Variants in UBE2G1 observed in about 807,000 individuals in gnomAD.
The protein encoded by UBE2G1 is ubiquitin conjugating enzyme E2 G1.
UBE2G1 carries 5 observed loss-of-function variants against 22.7 expected under a neutral mutation model. The observed-to-expected ratio is 0.22, with a 90% CI of 0.12 to 0.46. UBE2G1 has a LOEUF of 0.46. UBE2G1 is among the 20% of genes least tolerant of loss of function. The pLI, the probability that UBE2G1 is intolerant of heterozygous loss-of-function variation, is 0.99. For synonymous variants in UBE2G1, 74 were observed against 67.5 expected (o/e 1.10, Z -0.47); for missense variants, 88 against 203.9 (o/e 0.43, Z 3.46).
At chr17:4,319,885 C>G (rs76833122) in intron 1 of UBE2G1, among the ~76,000 whole-genome samples, 3,898 of 152,104 alleles carry the variant, frequency 0.026, 157 homozygotes, top group African/African-American at 0.089. Flanking sequence ...CAGAAAAACG[C>G]AGGTGAAAGG....
rs71144179 is a variant in UBE2G1, at chr17:4,289,106, T to TACACACACAC, written c.426+114_426+123dup. 2.9e-3 allele frequency: 1,504 copies of TACACACACAC among 515,998 alleles called. 10 individuals carry two copies. Among genetic ancestry groups the TACACACACAC allele is most frequent in the African/African-American group, 0.022 (1,111 of 49,896 alleles). 32.0% of individuals were successfully genotyped at this position (515,998 alleles called of 1,614,324 possible). On this transcript the variant is annotated intron_variant, in intron 4 of 5. Transcript: ENST00000396981. ...CAAAAATAAGAACTATGGGAAGAGA[T>TACACACACAC]ACACACACACACACACACACACACG...
At chr17:4,284,829 CTTTTCTTTCTTTTTTTTTT>C (rs1968941017) in intron 4 of UBE2G1, among the ~76,000 whole-genome samples, 90 of 68,068 alleles carry the variant, frequency 1.3e-3, no homozygotes, top group African/African-American at 3.6e-3. Flanking sequence ...CTTTTCTTTT[CTTTTCTTTCTTTTTTTTTT>C]TTTTTTTTTT....
intron 5 of UBE2G1, among the ~76,000 whole-genome samples, chr17:4,278,100 A>G (rs1047047651): frequency 1.3e-5 from 2 of 152,174 alleles, no homozygotes. Context: ...GGGTTTCACC[A>G]TGTTGGCCAG....
intron 4 of UBE2G1, among the ~76,000 whole-genome samples, chr17:4,284,864 A>C (rs1223340902): frequency 1.0e-5 from 1 of 97,126 alleles, no homozygotes; most frequent in Non-Finnish European, 1.9e-5. Context: ...TTTTTTTTGG[A>C]GATAGGGTCT....
chr17:4,346,909 T>C (rs562063648), intron 1 of UBE2G1, among the ~76,000 whole-genome samples: 2 of 151,896 alleles, frequency 1.3e-5, no homozygotes, highest in African/African-American at 4.8e-5. Context: ...TCCCAGCACT[T>C]TGGGAGACCA....
chr17:4,354,806 G>A lies in UBE2G1; in HGVS notation c.46+11465C>T, dbSNP rs78230561. Among the ~76,000 whole-genome samples, 1,338 of 152,154 alleles carry A rather than the reference G, an allele frequency of 8.8e-3. 21 individuals are homozygous for A. Among genetic ancestry groups the A allele is most frequent in the African/African-American group, 0.031 (1,271 of 41,518 alleles). Reference sequence around the variant, plus strand: ...TTTTTAATTTGCTGAGCATGGTGGCGCGTGCCTGTAGTCCCAGCTACGGAG... The same window carrying A: ...TTTTTAATTTGCTGAGCATGGTGGCACGTGCCTGTAGTCCCAGCTACGGAG... On this transcript the variant is annotated intron_variant, in intron 1 of 5. Transcript: ENST00000396981.
chr17:4,311,044 C>A (rs1329748639), intron 1 of UBE2G1, among the ~76,000 whole-genome samples: 1 of 151,872 alleles, frequency 6.6e-6, no homozygotes, highest in South Asian at 2.1e-4. Context: ...ACCCCTGTCT[C>A]TACCAAAAAA....
chr17:4,328,768 T>C (rs1969530076), intron 1 of UBE2G1, among the ~76,000 whole-genome samples: 1 of 152,210 alleles, frequency 6.6e-6, no homozygotes, highest in African/African-American at 2.4e-5. Flanking sequence ...TGCCACTTGA[T>C]GGGCTTCTGT....
chr17:4,279,555 G>C (rs577512039), intron 5 of UBE2G1, among the ~76,000 whole-genome samples: 1 of 152,010 alleles, frequency 6.6e-6, no homozygotes, highest in South Asian at 2.1e-4. Flanking sequence ...AGGCTCTCTA[G>C]CCAAGAAACG....
At chr17:4,349,582 G>A (rs1401385251) in intron 1 of UBE2G1, among the ~76,000 whole-genome samples, 4 of 151,856 alleles carry the variant, frequency 2.6e-5, no homozygotes, top group Admixed American at 2.0e-4. Context: ...TGTGGCTCAC[G>A]CCTGTAATCC....
chr17:4,341,330 G>A (rs1308905683), intron 1 of UBE2G1, among the ~76,000 whole-genome samples: 3 of 151,972 alleles, frequency 2.0e-5, no homozygotes, highest in Non-Finnish European at 2.9e-5. Flanking sequence ...CAGACATATC[G>A]TCTAACCTGA....
intron 1 of UBE2G1, 24 bp downstream of exon 1, chr17:4,366,247 G>A (rs1970033901): frequency 2.0e-6 from 3 of 1,528,328 alleles, no homozygotes; most frequent in Non-Finnish European, 1.7e-6. Context: ...GCCGGGCCCG[G>A]CGCCCCGCCG....
chr17:4,348,916 C>T (rs971005098), intron 1 of UBE2G1, among the ~76,000 whole-genome samples: 2 of 151,866 alleles, frequency 1.3e-5, no homozygotes, highest in South Asian at 2.1e-4. Flanking sequence ...GGGCCGGGCA[C>T]GGTCGCTCAC....
At chr17:4,301,204 T>C (rs920737642) in intron 2 of UBE2G1, among the ~76,000 whole-genome samples, 1 of 152,232 alleles carries the variant, frequency 6.6e-6, no homozygotes, top group African/African-American at 2.4e-5. Flanking sequence ...ATTCATTCTA[T>C]CCGCCACAGT....
chr17:4,332,887 C>T (rs1008088204), intron 1 of UBE2G1, among the ~76,000 whole-genome samples: 6 of 151,996 alleles, frequency 3.9e-5, no homozygotes, highest in African/African-American at 1.4e-4. Flanking sequence ...TTATTTTATC[C>T]TCTTTCCCTG....
chr17:4,314,398 G>T (rs892100554), intron 1 of UBE2G1, among the ~76,000 whole-genome samples: 1 of 152,180 alleles, frequency 6.6e-6, no homozygotes, highest in Non-Finnish European at 1.5e-5. Context: ...CTTGAAATAT[G>T]CAAGTTTAAA....
At position 4,333,400 on chromosome 17, in the gene UBE2G1, G is replaced by A. The variant is rs147706320; in HGVS notation, c.47-26277C>T. Among the ~76,000 whole-genome samples, 93 of 152,256 alleles carry A rather than the reference G, an allele frequency of 6.1e-4. No individual in the cohort carries two copies. The East Asian group carries it at 0.015, about 25-fold the overall frequency. On this transcript the variant is annotated intron_variant, in intron 1 of 5. Transcript: ENST00000396981. Reference sequence around the variant, plus strand: ...ATATGTAAAATGTAAAAGACGGGCCGGGCACGGTGGCTCTGTCTGTGATCC... The same window carrying A: ...ATATGTAAAATGTAAAAGACGGGCCAGGCACGGTGGCTCTGTCTGTGATCC...
In UBE2G1 at chr17:4,341,275, T is replaced by G. The variant is rs887574679; in HGVS notation, c.46+24996A>C. Among the ~76,000 whole-genome samples, 4 of 152,130 alleles carry G rather than the reference T, an allele frequency of 2.6e-5. 1 individual carries two copies. The highest frequency in any genetic ancestry group is 1.3e-4 in the Admixed American group (2 of 15,258). On this transcript the variant is annotated intron_variant, in intron 1 of 5. Transcript: ENST00000396981. ...CTTTATAAAGTATTAAACTTAATAC[T>G]CACAAAAATCATGAGATAAGTATGA... is the stretch of plus-strand genomic sequence containing the variant.
At chr17:4,345,710 C>G (rs970492856) in intron 1 of UBE2G1, 1 of 152,146 alleles carries the variant, frequency 6.6e-6, no homozygotes, top group Non-Finnish European at 1.5e-5. Flanking sequence ...AGACTTAAGA[C>G]TTGTTTACTC....
Sources: allele counts gnomAD v4.1 joint callset (sites outside exome capture counted in the v4.1 genomes callset), GRCh38; gene constraint gnomAD v4.1.1; transcripts MANE v1.5; gene names NCBI Gene and HGNC (gene_info 2026-07-23, HGNC 2026-07-21).